Variants in SNX30 observed in about 807,000 individuals in gnomAD.
SNX30 encodes sorting nexin-30.
SNX30 carries 24 observed loss-of-function variants against 46.4 expected under a neutral mutation model. The ratio of observed to expected loss-of-function variants is 0.52; its 90% CI spans 0.37 to 0.73. The LOEUF (loss-of-function observed/expected upper bound fraction) is 0.73. Among genes scored for constraint, SNX30 ranks in the 30% least tolerant of loss-of-function variants. SNX30 has a pLI of 0.00. For synonymous variants in SNX30, 189 were observed against 211.5 expected (o/e 0.89, Z 0.92); for missense variants, 533 against 555.7 (o/e 0.96, Z 0.41).
intron 1 of SNX30, among the ~76,000 whole-genome samples, 182 bp downstream of exon 1, chr9:112,751,339 A>T (rs879734964): frequency 9.2e-5 from 14 of 152,170 alleles, no homozygotes; most frequent in Non-Finnish European, 1.5e-4. Context: ...GCGGGGTCGC[A>T]GCCGCAGAGG....
chr9:112,814,441 A>G (rs1243535555), intron 2 of SNX30, among the ~76,000 whole-genome samples: 1 of 152,082 alleles, frequency 6.6e-6, no homozygotes, highest in African/African-American at 2.4e-5. Flanking sequence ...GGGTTTTGCC[A>G]TGTTGCTCAG....
chr9:112,759,488 G>C (rs960868253), intron 1 of SNX30, among the ~76,000 whole-genome samples: 2 of 152,104 alleles, frequency 1.3e-5, no homozygotes, highest in African/African-American at 4.8e-5. Context: ...CTAGCACTTT[G>C]GGAGGCCGAG....
intron 1 of SNX30, among the ~76,000 whole-genome samples, chr9:112,754,133 GTTA>G (rs1839314752): frequency 6.6e-6 from 1 of 152,222 alleles, no homozygotes; most frequent in Admixed American, 6.5e-5. Flanking sequence ...ATAGTACAGG[GTTA>G]TTATGCAAAG....
At chr9:112,832,321 A>G (rs1345919487) in intron 4 of SNX30, among the ~76,000 whole-genome samples, 1 of 151,912 alleles carries the variant, frequency 6.6e-6, no homozygotes, top group Admixed American at 6.6e-5. Context: ...CCCAAGGTCC[A>G]TTTTCCAGAA....
intron 1 of SNX30, among the ~76,000 whole-genome samples, chr9:112,794,443 G>A (rs531910391): frequency 2.0e-5 from 3 of 152,290 alleles, no homozygotes; most frequent in East Asian, 1.9e-4. Flanking sequence ...GAGCCACTGC[G>A]CGTGGCCAAC....
At chr9:112,775,146 TTTTC>T (rs1403376317) in intron 1 of SNX30, among the ~76,000 whole-genome samples, 4 of 149,198 alleles carry the variant, frequency 2.7e-5, no homozygotes, top group East Asian at 3.9e-4. Flanking sequence ...AGCCTAAATT[TTTTC>T]TTTCTTTTTT....
At chr9:112,867,392 ACCTCCTCAGAATTCCTCCTC>A (rs1436831424) in intron 8 of SNX30, among the ~76,000 whole-genome samples, 3 of 93,076 alleles carry the variant, frequency 3.2e-5, no homozygotes, top group South Asian at 3.7e-4. Context: ...AACTCTTCCC[ACCTCCTCAGAATTCCTCCTC>A]CCTCCTCAGA....
intron 1 of SNX30, among the ~76,000 whole-genome samples, chr9:112,771,630 C>T (rs1423565076): frequency 3.3e-5 from 5 of 152,072 alleles, no homozygotes; most frequent in Admixed American, 3.3e-4. Flanking sequence ...AAGAATCTTC[C>T]CTCTCTCTTT....
intron 8 of SNX30, among the ~76,000 whole-genome samples, chr9:112,866,909 TCC>T (rs1284657837): frequency 1.4e-4 from 20 of 146,396 alleles, no homozygotes; most frequent in South Asian, 6.7e-4. Flanking sequence ...TCAGAATTCC[TCC>T]TGCCTCCTCA....
intron 1 of SNX30, among the ~76,000 whole-genome samples, chr9:112,787,500 T>G (rs528009954): frequency 1.3e-5 from 2 of 152,242 alleles, no homozygotes; most frequent in Non-Finnish European, 2.9e-5. Context: ...CAGTTTGAAT[T>G]TGGGTAGCTC....
At chr9:112,789,708 A>G (rs1839990936) in intron 1 of SNX30, among the ~76,000 whole-genome samples, 1 of 152,208 alleles carries the variant, frequency 6.6e-6, no homozygotes, top group South Asian at 2.1e-4. Context: ...AGATTCTTAG[A>G]AAAATCTATT....
chr9:112,814,311 GCTAGCTGTAAC>G (rs1840363974), intron 2 of SNX30, among the ~76,000 whole-genome samples: 1 of 152,132 alleles, frequency 6.6e-6, no homozygotes, highest in African/African-American at 2.4e-5. Flanking sequence ...TGCAGTCTTG[GCTAGCTGTAAC>G]CTCTGCCTCC....
intron 7 of SNX30, among the ~76,000 whole-genome samples, chr9:112,855,129 A>G (rs1017238400): frequency 6.6e-6 from 1 of 152,162 alleles, no homozygotes; most frequent in Non-Finnish European, 1.5e-5. Flanking sequence ...GGTTTGGTGG[A>G]TGCTGAGGAA....
At chr9:112,862,832 G>A (rs771288302) in intron 7 of SNX30, among the ~76,000 whole-genome samples, 15 of 151,974 alleles carry the variant, frequency 9.9e-5, no homozygotes, top group Non-Finnish European at 1.9e-4. Flanking sequence ...AAAGTGCTGG[G>A]AGGCATGAAC....
chr9:112,763,715 G>A (rs528730105), intron 1 of SNX30, among the ~76,000 whole-genome samples: 13 of 152,032 alleles, frequency 8.6e-5, no homozygotes, highest in South Asian at 6.2e-4. Context: ...TGGGCATGGC[G>A]GCGCGTGCCT....
chr9:112,815,809 G>A lies in SNX30; in HGVS notation c.349-1896G>A, dbSNP rs1359326433. On this transcript the variant is annotated intron_variant, in intron 2 of 8. Coordinates refer to ENST00000374232, the MANE Select transcript of SNX30 (RefSeq NM_001012994.2). ...GGCAAGTTCTCACATGGAGCCTATC[G>A]GGGGGAGATGGGAGGTCTTGAACTT... Among the ~76,000 whole-genome samples the A allele has an allele frequency of 6.6e-5, 10 of 152,198 alleles. No homozygotes were observed. The East Asian group carries it at 1.5e-3, about 24-fold the overall frequency.
downstream of SNX30, chr9:112,878,092 C>T (rs1305556855): frequency 2.0e-5 from 3 of 152,246 alleles, no homozygotes; most frequent in East Asian, 5.8e-4. Context: ...CAAGCTTGCT[C>T]ACTCCTTCCA....
At chr9:112,789,931 C>T (rs1054319148) in intron 1 of SNX30, among the ~76,000 whole-genome samples, 2 of 152,136 alleles carry the variant, frequency 1.3e-5, no homozygotes, top group African/African-American at 4.8e-5. Context: ...TAAACCATGT[C>T]TAAAGAAAAA....
Position 112,750,926 on chromosome 9 carries a change from C to T in SNX30, c.-76C>T, listed in dbSNP as rs1162271641. 4.3e-6 allele frequency: 5 copies of T among 1,153,744 alleles called. No individual in the cohort carries two copies. The highest frequency in any genetic ancestry group is 5.3e-6 in the Non-Finnish European group (5 of 938,026). The allele number at this position is 1,153,744 out of a possible 1,614,324, so 71.5% of individuals were successfully genotyped here. A position where few individuals can be genotyped will look rare whatever the true frequency, so the allele number is the denominator to read the frequency against. ...TAAGCGGCGGCCGAGCGGGGCTCGG[C>T]CCGGGGTGCTCGGGGAGCTCGCCGC... On this transcript the variant is annotated 5_prime_UTR_variant, in exon 1 of 9. Transcript: ENST00000374232.
Sources: allele counts gnomAD v4.1 joint callset (sites outside exome capture counted in the v4.1 genomes callset), GRCh38; gene constraint gnomAD v4.1.1; transcripts MANE v1.5; gene names NCBI Gene and HGNC (gene_info 2026-07-23, HGNC 2026-07-21).